HHLA1: variants seen among roughly 807,000 people sequenced by gnomAD.
HHLA1 encodes the protein HHLA1 neighbor of OC90.
A neutral mutation model predicts 69.9 loss-of-function variants in HHLA1; 72 were observed. The ratio of observed to expected loss-of-function variants is 1.03; its 90% CI spans 0.85 to 1.25. The LOEUF (loss-of-function observed/expected upper bound fraction) is 1.25. Among genes scored for constraint, HHLA1 ranks in the 50% most tolerant of loss-of-function variants. The probability of loss-of-function intolerance (pLI) is 0.00; values close to 1 mark genes in which losing one functional copy is unlikely to be tolerated. For missense variants in HHLA1, 685 were observed against 642.2 expected, an observed-to-expected ratio of 1.07 and a Z score of -0.72; for synonymous variants, 252 against 233.2, an observed-to-expected ratio of 1.08 and a Z score of -0.73.
intron 14 of HHLA1, among the ~76,000 whole-genome samples, chr8:132,074,662 A>C (rs1174705662): frequency 6.6e-6 from 1 of 152,172 alleles, no homozygotes; most frequent in African/African-American, 2.4e-5. Flanking sequence ...TTTAATTTGC[A>C]ATTATGTTTT....
chr8:132,098,784 G>C (rs1824063299), intron 5 of HHLA1, 98 bp downstream of exon 5: 9 of 712,338 alleles, frequency 1.3e-5, no homozygotes, highest in Non-Finnish European at 1.4e-5. Flanking sequence ...CTGACACACA[G>C]AAGTGAAGTG....
chr8:132,067,857 G>A (rs963278494), intron 15 of HHLA1, among the ~76,000 whole-genome samples: 16 of 152,324 alleles, frequency 1.1e-4, no homozygotes, highest in African/African-American at 3.8e-4. Context: ...TTCAGAGATT[G>A]AATGACTAGC....
At chr8:132,090,169 G>A (rs1563746371) in intron 7 of HHLA1, among the ~76,000 whole-genome samples, 1 of 152,196 alleles carries the variant, frequency 6.6e-6, no homozygotes, top group East Asian at 1.9e-4. Flanking sequence ...TGGTGTCTGA[G>A]ATAACTTTTT....
intron 10 of HHLA1, among the ~76,000 whole-genome samples, chr8:132,087,442 C>T (rs1187186734): frequency 6.6e-6 from 1 of 152,122 alleles, no homozygotes; most frequent in Non-Finnish European, 1.5e-5. Flanking sequence ...GCTCCAGTTG[C>T]TTATTGCCAT....
At chr8:132,110,748 T>A (rs2130904729) in intron 1 of HHLA1, among the ~76,000 whole-genome samples, 1 of 152,324 alleles carries the variant, frequency 6.6e-6, no homozygotes, top group Non-Finnish European at 1.5e-5. Context: ...AGCCATTTTT[T>A]AGCGCACTCT....
At chr8:132,076,267 T>C in intron 13 of HHLA1, 138 bp from the exon 14 acceptor site, 1 of 765,346 alleles carries the variant, frequency 1.3e-6, no homozygotes, top group Non-Finnish European at 2.1e-6. Context: ...AAAGGGGAAG[T>C]GATTTATGGA....
chr8:132,110,263 G>A lies in HHLA1; in HGVS notation c.-22+839C>T, dbSNP rs750524437. On this transcript the variant is annotated intron_variant, in intron 1 of 16. Transcript: ENST00000414222. Reference sequence around the variant, plus strand: ...ATGTTCTGAGGCATTACGACGGTCCGTTCAGCCAGTAACCTTCCATATAGA... The same window carrying A: ...ATGTTCTGAGGCATTACGACGGTCCATTCAGCCAGTAACCTTCCATATAGA... Among the ~76,000 whole-genome samples the A allele has an allele frequency of 5.9e-5, 9 of 152,142 alleles. 1 individual carries two copies. Among genetic ancestry groups the A allele is most frequent in the Admixed American group, 4.6e-4 (7 of 15,280 alleles).
intron 1 of HHLA1, among the ~76,000 whole-genome samples, chr8:132,106,944 G>A (rs2436100): frequency 0.22 from 33,749 of 152,150 alleles, 4,657 homozygotes; most frequent in Non-Finnish European, 0.31. Context: ...TGAGCCTCGT[G>A]TGTAGAATGG....
intron 10 of HHLA1, among the ~76,000 whole-genome samples, chr8:132,083,895 T>G (rs1325498457): frequency 6.6e-6 from 1 of 152,044 alleles, no homozygotes; most frequent in South Asian, 2.1e-4. Flanking sequence ...GGGCCGGAAT[T>G]TAATTTTTGG....
chr8:132,102,792 ATTTTTT>A lies in HHLA1; in HGVS notation c.139+1310_139+1315del, dbSNP rs3048490. 4.7e-3 allele frequency among the ~76,000 whole-genome samples: 678 copies of A among 143,868 alleles called. 8 individuals carry two copies. Among genetic ancestry groups the A allele is most frequent in the African/African-American group, 0.015 (598 of 38,622 alleles). The allele number at this position is 143,868 out of a possible 152,430, so 94.4% of individuals were successfully genotyped here. On this transcript the variant is annotated intron_variant, in intron 3 of 16. Coordinates refer to ENST00000414222, the MANE Select transcript of HHLA1 (RefSeq NM_001145095.3). Reference sequence around the variant, plus strand: ...TGTGTCATCTTCTTCACTGAGCACCATTTTTTTTTTTTTTTTTTTTTTTTTTAGCAC... The same window carrying A: ...TGTGTCATCTTCTTCACTGAGCACCATTTTTTTTTTTTTTTTTTTTAGCAC...
chr8:132,090,268 CTG>C (rs1158921357), intron 7 of HHLA1, among the ~76,000 whole-genome samples: 1 of 152,182 alleles, frequency 6.6e-6, no homozygotes, highest in Non-Finnish European at 1.5e-5. Flanking sequence ...GCACTATTGA[CTG>C]TGAAAATTCC....
chr8:132,106,697 T>TA (rs1190871380), intron 1 of HHLA1, among the ~76,000 whole-genome samples: 1 of 152,194 alleles, frequency 6.6e-6, no homozygotes, highest in Non-Finnish European at 1.5e-5. Context: ...AGCTGTTTAG[T>TA]AACTTAGAAG....
chr8:132,079,328 G>A (rs745371088), intron 11 of HHLA1, among the ~76,000 whole-genome samples: 45 of 152,194 alleles, frequency 3.0e-4, no homozygotes, highest in Admixed American at 3.3e-4. Flanking sequence ...TTTCAGGAGC[G>A]ATATCGCTAA....
intron 14 of HHLA1, among the ~76,000 whole-genome samples, chr8:132,072,762 T>C (rs1306902489): frequency 2.0e-5 from 3 of 152,252 alleles, no homozygotes; most frequent in African/African-American, 4.8e-5. Context: ...TTCTATTGAA[T>C]AGGTGATTTT....
chr8:132,103,156 A>G (rs912001801), intron 3 of HHLA1, among the ~76,000 whole-genome samples: 2 of 152,230 alleles, frequency 1.3e-5, no homozygotes, highest in Admixed American at 6.5e-5. Flanking sequence ...TGAAAGCTCA[A>G]CTAAGAAAAA....
At chr8:132,089,691 AAGTTTGATTTAG>A in intron 7 of HHLA1, 92 bp from the exon 8 acceptor site, 1 of 722,330 alleles carries the variant, frequency 1.4e-6, no homozygotes, top group East Asian at 2.7e-5. Context: ...TAAATTTTAC[AAGTTTGATTTAG>A]TTTAGTGTAT....
At chr8:132,108,840 T>C (rs527295838) in intron 1 of HHLA1, among the ~76,000 whole-genome samples, 1 of 152,254 alleles carries the variant, frequency 6.6e-6, no homozygotes, top group South Asian at 2.1e-4. Context: ...AAAATAAACC[T>C]TAGCATCCAT....
chr8:132,063,380 A>C lies in HHLA1; in HGVS notation c.*615T>G, dbSNP rs945856153. The C allele has an allele frequency of 2.0e-5, 3 of 152,250 alleles. No individual in the cohort carries two copies. The highest frequency in any genetic ancestry group is 4.4e-5 in the Non-Finnish European group (3 of 68,048). The allele number at this position is 152,250 out of a possible 1,614,324, so 9.4% of individuals were successfully genotyped here. A position where few individuals can be genotyped will look rare whatever the true frequency, so the allele number is the denominator to read the frequency against. On this transcript the variant is annotated 3_prime_UTR_variant, in exon 17 of 17. Coordinates refer to ENST00000414222, the MANE Select transcript of HHLA1 (RefSeq NM_001145095.3). The stretch of plus-strand genomic sequence containing the variant: ...AGAAGAGGAATCAAGACAAGATGTC[A>C]ATAAAAACAACTCTCTAAACCTCCT...
chr8:132,110,168 G>A (rs1236377043), intron 1 of HHLA1, among the ~76,000 whole-genome samples: 1 of 152,200 alleles, frequency 6.6e-6, no homozygotes, highest in African/African-American at 2.4e-5. Flanking sequence ...CATAATTACA[G>A]TGCGCTGTGG....
Sources: allele counts gnomAD v4.1 joint callset (sites outside exome capture counted in the v4.1 genomes callset), GRCh38; gene constraint gnomAD v4.1.1; transcripts MANE v1.5; gene names NCBI Gene and HGNC (gene_info 2026-07-23, HGNC 2026-07-21).